The following GRAMD1B variants were observed in gnomAD, a reference collection of about 807,000 sequenced individuals.
GRAMD1B encodes the protein protein Aster-B.
A neutral mutation model predicts 99.7 loss-of-function variants in GRAMD1B; 37 were observed. The ratio of observed to expected loss-of-function variants is 0.37; its 90% CI spans 0.29 to 0.49. The LOEUF (loss-of-function observed/expected upper bound fraction) is 0.49, where lower values mean the gene tolerates loss of function less well. GRAMD1B is among the 20% of genes least tolerant of loss of function. The pLI, the probability that GRAMD1B is intolerant of heterozygous loss-of-function variation, is 0.98. For synonymous variants in GRAMD1B, 427 were observed against 387.6 expected, an observed-to-expected ratio of 1.10 and a Z score of -1.19; for missense variants, 888 against 1,009.2, an observed-to-expected ratio of 0.88 and a Z score of 1.63.
chr11:123,486,078 CT>C (rs1462767374), intron 2 of GRAMD1B, among the ~76,000 whole-genome samples: 32 of 152,176 alleles, frequency 2.1e-4, no homozygotes, highest in African/African-American at 7.0e-4. Context: ...TAGTTTCCTC[CT>C]TTGTAAAAAT....
At chr11:123,501,982 A>G (rs1196054222) in intron 2 of GRAMD1B, among the ~76,000 whole-genome samples, 2 of 152,202 alleles carry the variant, frequency 1.3e-5, no homozygotes, top group Non-Finnish European at 2.9e-5. Flanking sequence ...GTGAAGCCCC[A>G]TAGGTATTTG....
In GRAMD1B at chr11:123,601,604, A is replaced by G. The variant is rs529499539; in HGVS notation, c.1050+1056A>G. The stretch of plus-strand genomic sequence containing the variant: ...TATATTGGCCTTGACTCTAGCCCAA[A>G]CAAATGGCTGCATAAGAAAATTGAG... On this transcript the variant is annotated intron_variant, in intron 8 of 19. Coordinates refer to ENST00000635736, the MANE Select transcript of GRAMD1B (RefSeq NM_001387025.1). 3.3e-5 allele frequency among the ~76,000 whole-genome samples: 5 copies of G among 152,244 alleles called. No individual in the cohort carries two copies. In the South Asian group the frequency reaches 1.0e-3, roughly 32 times the overall value.
rs527847494 is a variant in GRAMD1B at position 123,458,202 on chromosome 11, C to T, written c.375-22614C>T. ...ACAACACACCGGAGACCCTGGGATGCTGGTAGCGTGGCTCAGTCCAAGTCT... is the reference window on the plus strand; with the variant it reads ...ACAACACACCGGAGACCCTGGGATGTTGGTAGCGTGGCTCAGTCCAAGTCT... On this transcript the variant is annotated intron_variant, in intron 1 of 19. Transcript: ENST00000635736. 5.0e-4 allele frequency among the ~76,000 whole-genome samples: 76 copies of T among 152,252 alleles called. 1 individual carries two copies. The highest frequency in any genetic ancestry group is 6.8e-3 in the Middle Eastern group (2 of 294).
At chr11:123,376,996 C>T (rs938329774) in intron 1 of GRAMD1B, among the ~76,000 whole-genome samples, 20 of 152,160 alleles carry the variant, frequency 1.3e-4, no homozygotes, top group African/African-American at 4.6e-4. Context: ...CAGAGTTCTA[C>T]GTGTATTAAT....
chr11:123,451,837 T>TTATATATATATATATA (rs140732433), intron 1 of GRAMD1B, among the ~76,000 whole-genome samples: 2 of 148,952 alleles, frequency 1.3e-5, no homozygotes, highest in Non-Finnish European at 3.0e-5. Context: ...TGACAGCAGA[T>TTATATATATATATATA]TATATATATA....
At chr11:123,526,304 G>C (rs1942735746) in intron 2 of GRAMD1B, 1 of 759,664 alleles carries the variant, frequency 1.3e-6, no homozygotes, top group Non-Finnish European at 2.3e-6. Flanking sequence ...GTGGGGACTA[G>C]GCACTTTAAA....
chr11:123,435,775 A>G (rs945983576), intron 1 of GRAMD1B: 2 of 285,060 alleles, frequency 7.0e-6, no homozygotes, highest in African/African-American at 4.3e-5. Context: ...ATGAGTACAG[A>G]GCTGAGTTTT....
intron 2 of GRAMD1B, among the ~76,000 whole-genome samples, chr11:123,558,462 C>T (rs1394757438): frequency 3.9e-5 from 6 of 152,152 alleles, no homozygotes; most frequent in African/African-American, 7.2e-5. Flanking sequence ...CAACCGTTCT[C>T]GGGTGCTTTC....
chr11:123,610,321 G>A lies in GRAMD1B; in HGVS notation c.1902G>A (p.Arg634=). 6.2e-7 allele frequency: 1 copy of A among 1,613,942 alleles called. No homozygotes were observed. The highest frequency in any genetic ancestry group is 8.5e-7 in the Non-Finnish European group (1 of 1,179,862). The change falls in exon 14 of 20, where the codon CGG becomes CGA. Residue 634 remains arginine (R), a synonymous_variant. Transcript: ENST00000635736. This position sits in a 1 kb window ranked among gnomAD's most constrained non-coding sequence, Gnocchi z 4.1. ...INRYTLTRVA[R]NKSRLRVSTE... ...GCTACACGCTCACCCGTGTGGCTCG[G>A]AACAAGAGCCGACTCAGGTGTGGTG... is the stretch of plus-strand genomic sequence containing the variant.
intron 2 of GRAMD1B, among the ~76,000 whole-genome samples, chr11:123,483,165 GA>G (rs1300292520): frequency 6.6e-6 from 1 of 152,166 alleles, no homozygotes; most frequent in Non-Finnish European, 1.5e-5. Context: ...CTCAGGATAA[GA>G]AAGCACTCTT....
intron 1 of GRAMD1B, among the ~76,000 whole-genome samples, chr11:123,479,918 C>T (rs1951495761): frequency 6.6e-6 from 1 of 152,148 alleles, no homozygotes; most frequent in African/African-American, 2.4e-5. Context: ...AAAAACCACC[C>T]TTAGCTCACG....
intron 2 of GRAMD1B, among the ~76,000 whole-genome samples, chr11:123,506,233 AC>A (rs963992883): frequency 1.3e-5 from 2 of 151,842 alleles, no homozygotes; most frequent in Non-Finnish European, 2.9e-5. Context: ...TTGCAGCCCC[AC>A]CTCCCAAGAG....
chr11:123,396,212 T>A (rs1565471800), intron 1 of GRAMD1B, among the ~76,000 whole-genome samples: 3 of 151,100 alleles, frequency 2.0e-5, no homozygotes, highest in Non-Finnish European at 3.0e-5. Flanking sequence ...TTTTTTTTTT[T>A]AGATGGAAAA....
intron 1 of GRAMD1B, chr11:123,458,805 G>A (rs1950277100): frequency 6.6e-6 from 1 of 151,806 alleles, no homozygotes; most frequent in South Asian, 2.1e-4. Flanking sequence ...TCAACATGTA[G>A]AGTGTGTATA....
chr11:123,395,003 G>A (rs886266377), intron 1 of GRAMD1B, among the ~76,000 whole-genome samples: 4 of 152,100 alleles, frequency 2.6e-5, no homozygotes, highest in Non-Finnish European at 5.9e-5. Context: ...ACCTCTTAAG[G>A]TTCCCACTTT....
exon 1 of GRAMD1B, chr11:123,358,690 C>G (rs1450927874): frequency 6.6e-6 from 1 of 152,390 alleles, no homozygotes. Context: ...AAGCCAGGCT[C>G]GCGGGGAGAC....
chr11:123,544,803 A>G (rs1482962241), intron 2 of GRAMD1B, among the ~76,000 whole-genome samples: 1 of 152,236 alleles, frequency 6.6e-6, no homozygotes, highest in African/African-American at 2.4e-5. Flanking sequence ...CAGCCTCTGG[A>G]TAGGCTGAGC....
intron 1 of GRAMD1B, among the ~76,000 whole-genome samples, chr11:123,385,563 C>T (rs1199372073): frequency 2.0e-5 from 3 of 152,148 alleles, no homozygotes; most frequent in Non-Finnish European, 4.4e-5. Context: ...TGCTCTAGGT[C>T]TCAAGTCAAC....
chr11:123,556,071 C>A (rs1946145948), intron 2 of GRAMD1B, among the ~76,000 whole-genome samples: 1 of 152,220 alleles, frequency 6.6e-6, no homozygotes, highest in Admixed American at 6.5e-5. Flanking sequence ...GGCATAAAAG[C>A]ACCCCTGTGC....
Sources: gnomAD v4.1 joint callset for allele counts (sites outside exome capture counted in the v4.1 genomes callset) on GRCh38, gnomAD v4.1.1 for gene constraint, Gnocchi (gnomAD v3.1) non-coding constraint, MANE v1.5 for transcripts, NCBI Gene and HGNC (gene_info 2026-07-23, HGNC 2026-07-21) for gene names.